Variants in GRM7 observed in about 807,000 individuals in gnomAD.
GRM7 encodes the protein glutamate metabotropic receptor 7, also known as metabotropic glutamate receptor 7.
In GRM7, 35 loss-of-function variants were observed where a neutral mutation model predicts 84.5. That is an observed-to-expected ratio of 0.41 (90% CI 0.32 to 0.55). The LOEUF (loss-of-function observed/expected upper bound fraction) is 0.55, where lower values mean the gene tolerates loss of function less well. Ranked by LOEUF, GRM7 falls within the 20% of genes least tolerant of loss-of-function variation. GRM7 has a pLI of 0.19. For synonymous variants in GRM7, 487 were observed against 455.1 expected, an observed-to-expected ratio of 1.07 and a Z score of -0.89; for missense variants, 1,003 against 1,194.6, an observed-to-expected ratio of 0.84 and a Z score of 2.36.
At chr3:7,425,475 AG>A (rs912633043) in intron 5 of GRM7, among the ~76,000 whole-genome samples, 68 of 152,276 alleles carry the variant, frequency 4.5e-4, no homozygotes, top group African/African-American at 1.6e-3. Context: ...CATTTAGGGT[AG>A]GCCAAACACA....
intron 7 of GRM7, among the ~76,000 whole-genome samples, chr3:7,537,642 T>C (rs1692625059): frequency 6.6e-6 from 1 of 152,214 alleles, no homozygotes; most frequent in African/African-American, 2.4e-5. Context: ...GTCAGTTCCA[T>C]AAAATACTTA....
At chr3:7,221,220 A>C (rs1696791087) in intron 2 of GRM7, among the ~76,000 whole-genome samples, 1 of 152,190 alleles carries the variant, frequency 6.6e-6, no homozygotes, top group African/African-American at 2.4e-5. Flanking sequence ...AGTGTAAAAA[A>C]TGTTTTCTTT....
chr3:7,306,370 A>G (rs1044605093), intron 3 of GRM7, 128 bp from the exon 4 acceptor site: 5 of 729,546 alleles, frequency 6.9e-6, no homozygotes, highest in Non-Finnish European at 9.4e-6. Context: ...TAAATTCTTT[A>G]TCAAGTTTTT....
intron 2 of GRM7, among the ~76,000 whole-genome samples, chr3:7,203,382 C>T (rs1192707287): frequency 6.6e-6 from 1 of 152,194 alleles, no homozygotes; most frequent in Non-Finnish European, 1.5e-5. Flanking sequence ...CTACAAATGA[C>T]ATGTATGCAT....
intron 7 of GRM7, among the ~76,000 whole-genome samples, chr3:7,484,575 G>C (rs972927957): frequency 6.6e-6 from 1 of 152,210 alleles, no homozygotes; most frequent in Non-Finnish European, 1.5e-5. Context: ...AGGGAGGCTA[G>C]ATAGGGGATA....
intron 8 of GRM7, among the ~76,000 whole-genome samples, chr3:7,647,396 A>G (rs1698696701): frequency 2.0e-5 from 3 of 152,158 alleles, no homozygotes; most frequent in Admixed American, 2.0e-4. Context: ...AACTAACTCA[A>G]CTGGGAAAGG....
intron 4 of GRM7, among the ~76,000 whole-genome samples, chr3:7,341,704 A>G (rs2125080116): frequency 6.6e-6 from 1 of 152,298 alleles, no homozygotes; most frequent in East Asian, 1.9e-4. Context: ...AGTTTGTCCC[A>G]GTAATGAACT....
At chr3:7,461,948 A>T (rs1698266945) in intron 7 of GRM7, among the ~76,000 whole-genome samples, 1 of 152,104 alleles carries the variant, frequency 6.6e-6, no homozygotes, top group Admixed American at 6.6e-5. Context: ...ACCTGTGCGA[A>T]TTATCTCATT....
Position 6,872,694 on chromosome 3 carries a change from A to G in GRM7, c.519+10787A>G, listed in dbSNP as rs185079175. Among the ~76,000 whole-genome samples, 7 of 151,262 alleles carry G rather than the reference A, an allele frequency of 4.6e-5. No individual in the cohort carries two copies. In the East Asian group the frequency reaches 1.2e-3, roughly 25 times the overall value. On this transcript the variant is annotated intron_variant, in intron 1 of 9. Transcript: ENST00000357716. The stretch of plus-strand genomic sequence containing the variant: ...TGTTCTTGTTGTTCAACTCCCACTT[A>G]TGAGTGAGAACATGTGGTGTTTGGT...
intron 1 of GRM7, among the ~76,000 whole-genome samples, chr3:6,956,265 G>C (rs952583551): frequency 6.6e-6 from 1 of 152,190 alleles, no homozygotes; most frequent in Non-Finnish European, 1.5e-5. Context: ...CAAGTCTGAA[G>C]TCAACAGTCG....
chr3:7,149,145 T>G (rs1040370381), intron 2 of GRM7, among the ~76,000 whole-genome samples: 7 of 152,168 alleles, frequency 4.6e-5, no homozygotes, highest in Admixed American at 4.6e-4. Context: ...TTTAGTTGCA[T>G]GAACTTATGT....
In GRM7 at chr3:7,680,174, G is replaced by C. The variant is rs201806420; in HGVS notation, c.2577G>C (p.Arg859=). ...IFHPELNVQK[R]KRSFKAVVTA... is the part of the protein sequence containing the mutation. ...ACCCTGAACTCAATGTCCAGAAACG[G>C]AAGCGAAGCTTCAAGGCGGTAGTCA... The change falls in exon 9 of 10, where the codon CGG becomes CGC. Residue 859 remains arginine, a synonymous_variant. Transcript: ENST00000357716. The C allele has an allele frequency of 1.6e-3, 2,622 of 1,614,186 alleles. 52 individuals carry two copies. In the South Asian group the frequency reaches 0.027, roughly 16 times the overall value.
At position 6,985,479 on chromosome 3, in the gene GRM7, C is replaced by G. The variant is rs138897709; in HGVS notation, c.519+123572C>G. On this transcript the variant is annotated intron_variant, in intron 1 of 9. Transcript: ENST00000357716. Reference sequence around the variant, plus strand: ...ATGTTTGTCTGTCTGTGCCATTTATCACATTTTCAATGTGTGGTTATCAAG... The same window carrying G: ...ATGTTTGTCTGTCTGTGCCATTTATGACATTTTCAATGTGTGGTTATCAAG... 5.3e-4 allele frequency among the ~76,000 whole-genome samples: 81 copies of G among 152,270 alleles called. No individual in the cohort carries two copies. In the East Asian group the frequency reaches 0.015, roughly 28 times the overall value.
In GRM7 at chr3:7,478,710, A is replaced by C. The variant is rs1699019476; in HGVS notation, c.1515+16988A>C. Among the ~76,000 whole-genome samples, 4 of 146,842 alleles carry C rather than the reference A, an allele frequency of 2.7e-5. 1 individual carries two copies. Among genetic ancestry groups the C allele is most frequent in the Admixed American group, 2.6e-4 (4 of 15,108 alleles). On this transcript the variant is annotated intron_variant, in intron 7 of 9. Coordinates refer to ENST00000357716, the MANE Select transcript of GRM7 (RefSeq NM_000844.4). ...TATGTAGAACAGTAGGGAACACTGG[A>C]GAGGGATGAGTAGTCCTAGCTATCA...
intron 8 of GRM7, among the ~76,000 whole-genome samples, chr3:7,668,290 T>C (rs1699782295): frequency 6.6e-6 from 1 of 152,176 alleles, no homozygotes; most frequent in Non-Finnish European, 1.5e-5. Flanking sequence ...GAGCCAAAGA[T>C]TGGAAATGGA....
chr3:7,071,356 C>T (rs1333054865), intron 1 of GRM7, among the ~76,000 whole-genome samples: 2 of 152,156 alleles, frequency 1.3e-5, no homozygotes, highest in Non-Finnish European at 2.9e-5. Flanking sequence ...AGGGATTCAA[C>T]TAGTTTTATT....
At chr3:7,339,920 G>C (rs73113712) in intron 4 of GRM7, among the ~76,000 whole-genome samples, 1 of 152,114 alleles carries the variant, frequency 6.6e-6, no homozygotes, top group African/African-American at 2.4e-5. Flanking sequence ...AGTAATCCAC[G>C]GAACAATAAA....
intron 2 of GRM7, among the ~76,000 whole-genome samples, chr3:7,243,284 A>G (rs1041645377): frequency 6.6e-6 from 1 of 152,242 alleles, no homozygotes; most frequent in Non-Finnish European, 1.5e-5. Flanking sequence ...TTAAGGTAAA[A>G]CAGTATTTAT....
chr3:7,252,427 T>C (rs1698026068), intron 2 of GRM7, among the ~76,000 whole-genome samples: 1 of 152,210 alleles, frequency 6.6e-6, no homozygotes, highest in Non-Finnish European at 1.5e-5. Context: ...CTGTTGATTC[T>C]TTAAAGTGGC....
Sources: gnomAD v4.1 joint callset for allele counts (sites outside exome capture counted in the v4.1 genomes callset) on GRCh38, gnomAD v4.1.1 for gene constraint, MANE v1.5 for transcripts, NCBI Gene and HGNC (gene_info 2026-07-23, HGNC 2026-07-21) for gene names.